Variants in HSD17B2 observed in about 807,000 individuals in gnomAD.
HSD17B2 encodes hydroxysteroid 17-beta dehydrogenase 2.
In HSD17B2, 32 loss-of-function variants were observed where a neutral mutation model predicts 26.9. The observed-to-expected ratio is 1.19, with a 90% CI of 0.90 to 1.60. The LOEUF (loss-of-function observed/expected upper bound fraction) is 1.60, where lower values mean the gene tolerates loss of function less well. Ranked by LOEUF, HSD17B2 falls within the 40% of genes most tolerant of loss-of-function variation. The pLI is 0.00. For missense variants in HSD17B2, 613 were observed against 468.6 expected (o/e 1.31, Z -2.85); for synonymous variants, 246 against 186.7 (o/e 1.32, Z -2.59).
intron 3 of HSD17B2, among the ~76,000 whole-genome samples, chr16:82,087,511 G>C (rs1395648187): frequency 1.3e-5 from 2 of 152,162 alleles, no homozygotes; most frequent in Non-Finnish European, 2.9e-5. Flanking sequence ...TCATAGGTAA[G>C]ACATGGTCTA....
chr16:82,059,573 A>G (rs565246852), intron 1 of HSD17B2, among the ~76,000 whole-genome samples: 1 of 152,256 alleles, frequency 6.6e-6, no homozygotes, highest in South Asian at 2.1e-4. Flanking sequence ...CTCTTTCCTA[A>G]TCAGTATGCG....
At chr16:82,079,533 T>C (rs1206529198) in intron 3 of HSD17B2, among the ~76,000 whole-genome samples, 1 of 152,240 alleles carries the variant, frequency 6.6e-6, no homozygotes, top group African/African-American at 2.4e-5. Context: ...TTAAAGGTTC[T>C]ATCTTCAAAT....
At chr16:82,084,279 A>G (rs1326911487) in intron 3 of HSD17B2, among the ~76,000 whole-genome samples, 1 of 152,140 alleles carries the variant, frequency 6.6e-6, no homozygotes, top group East Asian at 1.9e-4. Context: ...CCTGTGCATT[A>G]CGGGGTGTTT....
At chr16:82,043,253 G>A (rs936908264) in intron 1 of HSD17B2, among the ~76,000 whole-genome samples, 3 of 152,130 alleles carry the variant, frequency 2.0e-5, no homozygotes, top group Non-Finnish European at 4.4e-5. Flanking sequence ...GTGGGGACTG[G>A]GGCTCCCCAG....
At chr16:82,066,377 C>A (rs1232883573) in intron 1 of HSD17B2, among the ~76,000 whole-genome samples, 1 of 152,204 alleles carries the variant, frequency 6.6e-6, no homozygotes, top group East Asian at 1.9e-4. Context: ...CAGGAGTACA[C>A]ACACCTTTTG....
intron 3 of HSD17B2, among the ~76,000 whole-genome samples, chr16:82,073,273 G>A (rs1176826224): frequency 6.6e-6 from 1 of 151,330 alleles, no homozygotes; most frequent in Non-Finnish European, 1.5e-5. Flanking sequence ...CGCCCAGGCT[G>A]GAGTGCAGTG....
rs8191222 is a variant in HSD17B2, at chr16:82,090,772, C to A, written c.665-130C>A. 1.8e-3 allele frequency: 1,465 copies of A among 812,134 alleles called. 20 individuals carry two copies. The African/African-American group carries it at 0.022, about 12-fold the overall frequency. The allele number at this position is 812,134 out of a possible 1,614,324, so 50.3% of individuals were successfully genotyped here. ...ACATTGCTCACCTGGGCTCAGGGGG[C>A]CTTGCCTGCCTTTGTCTGCCCAAGT... On this transcript the variant is annotated intron_variant, in intron 3 of 4. Coordinates refer to ENST00000199936, the MANE Select transcript of HSD17B2 (RefSeq NM_002153.3).
rs555487403 is a variant in HSD17B2, at chr16:82,057,564, G to C, written c.266-10606G>C. 4.6e-5 allele frequency among the ~76,000 whole-genome samples: 7 copies of C among 152,260 alleles called. No homozygotes were observed. In the South Asian group the frequency reaches 1.2e-3, roughly 27 times the overall value. On this transcript the variant is annotated intron_variant, in intron 1 of 4. Coordinates refer to ENST00000199936, the MANE Select transcript of HSD17B2 (RefSeq NM_002153.3). ...CTTTCAAAGCGTACAGCTTGGGAAGGGGAAAAAGCAACTGTGCAGTGGAGA... is the reference window on the plus strand; with the variant it reads ...CTTTCAAAGCGTACAGCTTGGGAAGCGGAAAAAGCAACTGTGCAGTGGAGA...
At chr16:82,090,412 G>A (rs981711969) in intron 3 of HSD17B2, among the ~76,000 whole-genome samples, 1 of 143,572 alleles carries the variant, frequency 7.0e-6, no homozygotes, top group African/African-American at 2.6e-5. Flanking sequence ...CTGCCCCCTG[G>A]GGTCCAAGCG....
In HSD17B2 at chr16:82,035,436, C is replaced by T; in HGVS notation, c.12C>T (p.Phe4=). The change falls in exon 1 of 5, where the codon TTC becomes TTT. Residue 4 remains phenylalanine (F), a synonymous_variant. Transcript: ENST00000199936. ...GCAAGTCACTGAGAATGAGCACTTT[C>T]TTCTCGGACACAGCATGGATCTGCC... MST[F]FSDTAWICLA... is the part of the protein sequence containing the mutation. 1 of 1,611,490 alleles carries T rather than the reference C, an allele frequency of 6.2e-7. No homozygotes were observed. The highest frequency in any genetic ancestry group is 1.1e-5 in the South Asian group (1 of 91,004).
In HSD17B2 at chr16:82,085,105, A is replaced by T. The variant is rs16956386; in HGVS notation, c.665-5797A>T. 5.5e-3 allele frequency among the ~76,000 whole-genome samples: 835 copies of T among 152,354 alleles called. 6 individuals are homozygous for T. Among genetic ancestry groups the T allele is most frequent in the African/African-American group, 0.018 (766 of 41,590 alleles). Reference sequence around the variant, plus strand: ...TTCTTACAAGTCTACAAATTAAAAGATCTAGAAGAGTTCACAGTTTCAGCC... The same window carrying T: ...TTCTTACAAGTCTACAAATTAAAAGTTCTAGAAGAGTTCACAGTTTCAGCC... On this transcript the variant is annotated intron_variant, in intron 3 of 4. Transcript: ENST00000199936.
chr16:82,057,345 C>T (rs1357722457), intron 1 of HSD17B2, among the ~76,000 whole-genome samples: 2 of 151,918 alleles, frequency 1.3e-5, no homozygotes, highest in East Asian at 1.9e-4. Flanking sequence ...ACTACAGGCG[C>T]GCACCAACAT....
At chr16:82,039,200 G>A (rs746049215) in intron 1 of HSD17B2, among the ~76,000 whole-genome samples, 1 of 151,378 alleles carries the variant, frequency 6.6e-6, no homozygotes, top group African/African-American at 2.4e-5. Flanking sequence ...TTTGGTGCTC[G>A]GTTTTGGATT....
intron 1 of HSD17B2, 109 bp from the exon 2 acceptor site, chr16:82,068,061 C>T (rs1914612504): frequency 2.0e-6 from 2 of 1,005,352 alleles, no homozygotes; most frequent in East Asian, 2.4e-5. Flanking sequence ...GAACCCCTCT[C>T]TTCAGAGAGC....
chr16:82,071,136 G>A lies in HSD17B2; in HGVS notation c.664+9G>A. On this transcript the variant is annotated intron_variant, in intron 3 of 4. Transcript: ENST00000199936. ...TGTCAGCAGCATGGGAGGTGAGTCA[G>A]CATTTTCACACATGGTCATGGGGTG... 6.2e-7 allele frequency: 1 copy of A among 1,613,622 alleles called. No individual in the cohort carries two copies. The highest frequency in any genetic ancestry group is 8.5e-7 in the Non-Finnish European group (1 of 1,179,606).
At chr16:82,038,507 G>A (rs768297759) in intron 1 of HSD17B2, among the ~76,000 whole-genome samples, 47 of 152,178 alleles carry the variant, frequency 3.1e-4, no homozygotes, top group Non-Finnish European at 6.2e-4. Context: ...GTGCTACCAC[G>A]TTGGGCTAAT....
In HSD17B2 at chr16:82,068,373, C is replaced by A; in HGVS notation, c.469C>A (p.Gln157Lys). 1 of 1,611,364 alleles carries A rather than the reference C, an allele frequency of 6.2e-7. No individual in the cohort carries two copies. Among genetic ancestry groups the A allele is most frequent in the Non-Finnish European group, 8.5e-7 (1 of 1,179,238 alleles). Reference protein sequence around the residue: ...DAYSKVAAMLQDRGLWAVINN... With the variant: ...DAYSKVAAMLKDRGLWAVINN... ...TTACAGCAAGGTTGCAGCAATGCTG[C>A]AGGACAGAGGTACTGCCGCCAGCAC... Residue 157 changes from glutamine (Q) to lysine (K), a missense_variant, in exon 2 of 5, where the codon CAG (glutamine) becomes AAG (lysine). Physicochemically the swap from Gln to Lys is moderately conservative, Grantham distance 53 (BLOSUM62 1). Transcript: ENST00000199936.
At chr16:82,046,647 C>G (rs1030970362) in intron 1 of HSD17B2, among the ~76,000 whole-genome samples, 3 of 151,822 alleles carry the variant, frequency 2.0e-5, no homozygotes, top group African/African-American at 4.8e-5. Flanking sequence ...TCGCTTGAAC[C>G]TGGGAGTCAG....
intron 1 of HSD17B2, among the ~76,000 whole-genome samples, chr16:82,042,039 G>C (rs1195738934): frequency 1.4e-5 from 2 of 145,750 alleles, no homozygotes; most frequent in Admixed American, 7.0e-5. Flanking sequence ...GTCTCGCTCT[G>C]TCACCCAGGC....
Sources: allele counts gnomAD v4.1 joint callset (sites outside exome capture counted in the v4.1 genomes callset), GRCh38; gene constraint gnomAD v4.1.1; transcripts MANE v1.5; gene names NCBI Gene and HGNC (gene_info 2026-07-23, HGNC 2026-07-21).